MOXD1: variants seen among roughly 807,000 people sequenced by gnomAD.
MOXD1 encodes the protein DBH-like monooxygenase protein 1.
In MOXD1, 62 loss-of-function variants were observed where a neutral mutation model predicts 66.6. The ratio of observed to expected loss-of-function variants is 0.93; its 90% CI spans 0.76 to 1.15. The LOEUF is 1.15. Among genes scored for constraint, MOXD1 ranks in the 50% most tolerant of loss-of-function variants. The pLI, the probability that MOXD1 is intolerant of heterozygous loss-of-function variation, is 0.00. For synonymous variants in MOXD1, 303 were observed against 281.9 expected (o/e 1.07, Z -0.75); for missense variants, 847 against 754.6 (o/e 1.12, Z -1.44).
intron 1 of MOXD1, chr6:132,391,993 T>C: frequency 1.8e-6 from 1 of 549,160 alleles, no homozygotes; most frequent in South Asian, 2.6e-5. Flanking sequence ...TGCCTGGAAA[T>C]TGGGGGGCAT....
chr6:132,340,158 C>T (rs1775521260), intron 4 of MOXD1, among the ~76,000 whole-genome samples: 1 of 152,076 alleles, frequency 6.6e-6, no homozygotes, highest in African/African-American at 2.4e-5. Context: ...GTTGGGATTA[C>T]AGGTGCGAGC....
intron 1 of MOXD1, among the ~76,000 whole-genome samples, chr6:132,376,223 C>T (rs543494656): frequency 2.6e-5 from 4 of 152,068 alleles, no homozygotes; most frequent in Non-Finnish European, 5.9e-5. Flanking sequence ...ATTACTTTTG[C>T]TAACAGTAAA....
chr6:132,350,314 T>A (rs1775777659), intron 4 of MOXD1, among the ~76,000 whole-genome samples: 5 of 152,186 alleles, frequency 3.3e-5, no homozygotes, highest in Admixed American at 2.6e-4. Context: ...AGGTGAGAGA[T>A]GAGGATCCAG....
intron 10 of MOXD1, among the ~76,000 whole-genome samples, chr6:132,303,827 GTGTGTGTGTATATA>G (rs1562276336): frequency 7.0e-4 from 69 of 99,168 alleles, no homozygotes; most frequent in East Asian, 4.4e-3. Flanking sequence ...GTGTGTGTGT[GTGTGTGTGTATATA>G]TATATATATA....
chr6:132,331,831 A>T (rs961329781), intron 4 of MOXD1, among the ~76,000 whole-genome samples: 26 of 152,078 alleles, frequency 1.7e-4, no homozygotes, highest in African/African-American at 6.0e-4. Context: ...AGCGTGTTGG[A>T]GATGCATCAA....
Position 132,374,778 on chromosome 6 carries a change from C to T in MOXD1, c.265-1G>A, listed in dbSNP as rs1477469975. ...CTCTATTTGCATTTGTAAAATAATCCTGTGGAAAATATGGAAAAGAAAAAT... is the reference window on the plus strand; with the variant it reads ...CTCTATTTGCATTTGTAAAATAATCTTGTGGAAAATATGGAAAAGAAAAAT... On this transcript the variant is annotated splice_acceptor_variant, in intron 1 of 11. Transcript: ENST00000367963. LOFTEE classifies it high-confidence loss of function. The T allele has an allele frequency of 3.7e-6, 6 of 1,612,876 alleles. No homozygotes were observed. The South Asian group carries it at 6.6e-5, about 18-fold the overall frequency.
rs765556824 is a variant in MOXD1 at position 132,324,077 on chromosome 6, G to T, written c.967C>A (p.Leu323Met). 7 of 1,613,216 alleles carry T rather than the reference G, an allele frequency of 4.3e-6. No individual in the cohort carries two copies. The East Asian group carries it at 1.6e-4, about 36-fold the overall frequency. ...YEEGLIDNSGLRLFYTMDIRK... is the reference protein window; with the variant it reads ...YEEGLIDNSGMRLFYTMDIRK... Reference sequence around the variant, plus strand: ...ATATCCATTGTGTAAAATAACCTCAGTCCAGAATTATCTATTAAGCCTAGA... The same window carrying T: ...ATATCCATTGTGTAAAATAACCTCATTCCAGAATTATCTATTAAGCCTAGA... Residue 323 changes from leucine to methionine, a missense_variant, in exon 7 of 12, where the codon CTG becomes ATG. Leu to Met is a conservative substitution (Grantham distance 15). Coordinates refer to ENST00000367963, the MANE Select transcript of MOXD1 (RefSeq NM_015529.4).
chr6:132,357,249 A>G (rs916984137), intron 4 of MOXD1, among the ~76,000 whole-genome samples: 3 of 152,122 alleles, frequency 2.0e-5, no homozygotes, highest in African/African-American at 7.2e-5. Context: ...TAGTTTGAAA[A>G]AAATGTGACT....
At chr6:132,338,160 A>G (rs1775478034) in intron 4 of MOXD1, among the ~76,000 whole-genome samples, 1 of 152,182 alleles carries the variant, frequency 6.6e-6, no homozygotes, top group African/African-American at 2.4e-5. Flanking sequence ...CATATAAGTT[A>G]AGAAACTTGC....
At chr6:132,344,920 T>A (rs1775640290) in intron 4 of MOXD1, among the ~76,000 whole-genome samples, 1 of 152,098 alleles carries the variant, frequency 6.6e-6, no homozygotes, top group Non-Finnish European at 1.5e-5. Flanking sequence ...GTCCAAGTAA[T>A]CTCATTCTTC....
At chr6:132,397,514 T>C (rs542664854) in intron 1 of MOXD1, among the ~76,000 whole-genome samples, 1 of 152,058 alleles carries the variant, frequency 6.6e-6, no homozygotes, top group South Asian at 2.1e-4. Flanking sequence ...CCAGCTGAAA[T>C]TGTGTGTGAG....
Position 132,340,638 on chromosome 6 carries a change from A to ATTTTTTTTTTTTT in MOXD1, c.664-12057_664-12045dup, listed in dbSNP as rs869205496. On this transcript the variant is annotated intron_variant, in intron 4 of 11. Coordinates refer to ENST00000367963, the MANE Select transcript of MOXD1 (RefSeq NM_015529.4). ...ACAACATGCTAAAACAACAAGACTC[A>ATTTTTTTTTTTTT]TTTTTTTTTTTTTTTTTTTTTTTTT... 9.1e-5 allele frequency among the ~76,000 whole-genome samples: 9 copies of ATTTTTTTTTTTTT among 98,808 alleles called. 2 individuals are homozygous for ATTTTTTTTTTTTT. Among genetic ancestry groups the ATTTTTTTTTTTTT allele is most frequent in the African/African-American group, 3.1e-4 (7 of 22,542 alleles). The allele number at this position is 98,808 out of a possible 152,430, so 64.8% of individuals were successfully genotyped here.
chr6:132,346,685 C>T (rs1775674920), intron 4 of MOXD1, among the ~76,000 whole-genome samples: 1 of 152,062 alleles, frequency 6.6e-6, no homozygotes, highest in Non-Finnish European at 1.5e-5. Context: ...TGCTTTAGAA[C>T]CGATAATAAG....
At chr6:132,318,519 GCTTCT>G (rs1190953153) in intron 9 of MOXD1, among the ~76,000 whole-genome samples, 1 of 151,916 alleles carries the variant, frequency 6.6e-6, no homozygotes, top group African/African-American at 2.4e-5. Flanking sequence ...TTTATTGTAT[GCTTCT>G]CTTCTGTTAC....
At chr6:132,343,445 C>T (rs529002063) in intron 4 of MOXD1, among the ~76,000 whole-genome samples, 18 of 152,056 alleles carry the variant, frequency 1.2e-4, no homozygotes, top group African/African-American at 3.6e-4. Context: ...CATGGTGGTG[C>T]ACACCTGTAA....
chr6:132,401,371 C>T lies in MOXD1; in HGVS notation c.56G>A (p.Gly19Glu), dbSNP rs763575918. ...LWGLLPGTAA[G>E]GSGRTYPHRT... Reference sequence around the variant, plus strand: ...GTGCGGATAGGTTCGGCCCGAGCCCCCCGCCGCCGTCCCGGGGAGCAGCCC... The same window carrying T: ...GTGCGGATAGGTTCGGCCCGAGCCCTCCGCCGCCGTCCCGGGGAGCAGCCC... The change falls in exon 1 of 12, where the codon GGG (glycine) becomes GAG (glutamate). Residue 19 changes from glycine to glutamate, a missense_variant. By Grantham distance (98) the Gly-to-Glu change is moderately conservative. Coordinates refer to ENST00000367963, the MANE Select transcript of MOXD1 (RefSeq NM_015529.4). 2.7e-5 allele frequency: 42 copies of T among 1,545,860 alleles called. No individual in the cohort carries two copies. The highest frequency in any genetic ancestry group is 5.5e-5 in the African/African-American group (4 of 72,130).
rs535872807 is a variant in MOXD1 at position 132,394,842 on chromosome 6, G to C, written c.264+6321C>G. Among the ~76,000 whole-genome samples the C allele has an allele frequency of 5.1e-4, 78 of 152,204 alleles. 1 individual carries two copies. The South Asian group carries it at 0.014, about 27-fold the overall frequency. ...AAAGTGACCAAGTATTTGAATTTAGGATCTGAGAAGGTGAAGAGAAAATGA... is the reference window on the plus strand; with the variant it reads ...AAAGTGACCAAGTATTTGAATTTAGCATCTGAGAAGGTGAAGAGAAAATGA... On this transcript the variant is annotated intron_variant, in intron 1 of 11. Transcript: ENST00000367963.
At chr6:132,329,814 AGATC>A (rs1179824435) in intron 4 of MOXD1, among the ~76,000 whole-genome samples, 1 of 152,208 alleles carries the variant, frequency 6.6e-6, no homozygotes, top group Non-Finnish European at 1.5e-5. Context: ...TTAATGATTA[AGATC>A]AAAAGCCAAT....
intron 10 of MOXD1, among the ~76,000 whole-genome samples, chr6:132,310,996 A>G (rs1020177832): frequency 2.0e-5 from 3 of 152,238 alleles, no homozygotes; most frequent in African/African-American, 4.8e-5. Flanking sequence ...AAATAAATAA[A>G]TAAAAACACT....
Sources: gnomAD v4.1 joint callset for allele counts (sites outside exome capture counted in the v4.1 genomes callset) on GRCh38, gnomAD v4.1.1 for gene constraint, MANE v1.5 for transcripts, NCBI Gene and HGNC (gene_info 2026-07-23, HGNC 2026-07-21) for gene names.